Variants in GPAT4 observed in about 807,000 individuals in gnomAD.
The protein encoded by GPAT4 is glycerol-3-phosphate acyltransferase 4, also known as 1-AGP acyltransferase 6.
Under a neutral mutation model 58.0 loss-of-function variants are expected in GPAT4, and 17 were observed. The ratio of observed to expected loss-of-function variants is 0.29; its 90% CI spans 0.20 to 0.44. The LOEUF is 0.44. Ranked by LOEUF, GPAT4 falls within the 20% of genes least tolerant of loss-of-function variation. GPAT4 has a pLI of 1.00. For missense variants in GPAT4, 377 were observed against 574.5 expected (o/e 0.66, Z 3.51); for synonymous variants, 204 against 210.1 (o/e 0.97, Z 0.25).
At chr8:41,612,818 A>G (rs1399483672) in intron 7 of GPAT4, 27 bp from the exon 8 acceptor site, 3 of 1,598,506 alleles carry the variant, frequency 1.9e-6, no homozygotes, top group Non-Finnish European at 2.6e-6. Flanking sequence ...TGGCTTCACT[A>G]CTAATGAGTC....
chr8:41,584,727 A>G (rs770787061), intron 1 of GPAT4: 1 of 152,210 alleles, frequency 6.6e-6, no homozygotes, highest in Non-Finnish European at 1.5e-5. Flanking sequence ...CATCATCAAA[A>G]TAGCCTCTTT....
intron 2 of GPAT4, among the ~76,000 whole-genome samples, chr8:41,607,146 A>G (rs1478599968): frequency 6.6e-6 from 1 of 152,108 alleles, no homozygotes; most frequent in Non-Finnish European, 1.5e-5. Flanking sequence ...CCTCCTGCCC[A>G]TAGTGCTGGG....
intron 2 of GPAT4, among the ~76,000 whole-genome samples, chr8:41,603,189 C>G (rs1032905719): frequency 6.6e-6 from 1 of 152,264 alleles, no homozygotes; most frequent in African/African-American, 2.4e-5. Context: ...TTGCCGTTCT[C>G]CCTCCTGTCA....
chr8:41,606,077 G>T (rs899584876), intron 2 of GPAT4, among the ~76,000 whole-genome samples: 9 of 152,202 alleles, frequency 5.9e-5, no homozygotes, highest in African/African-American at 2.2e-4. Flanking sequence ...TCCATCTGGT[G>T]CTTCCTGAGC....
rs777598580 is a variant in GPAT4 at position 41,621,049 on chromosome 8, C to T, written c.*48C>T. 7.1e-6 allele frequency: 11 copies of T among 1,548,806 alleles called. No homozygotes were observed. The highest frequency in any genetic ancestry group is 7.9e-6 in the Non-Finnish European group (9 of 1,146,422). On this transcript the variant is annotated 3_prime_UTR_variant, in exon 13 of 13. Coordinates refer to ENST00000396987, the MANE Select transcript of GPAT4 (RefSeq NM_178819.4). ...CCACCGTGCGGGGTGCCAACGGGCT[C>T]AGAGCTGGAGTTGCCGCCGCCGCCC...
chr8:41,609,543 G>A (rs1168204797), intron 3 of GPAT4, 58 bp downstream of exon 3: 4 of 1,603,946 alleles, frequency 2.5e-6, no homozygotes, highest in Non-Finnish European at 3.4e-6. Context: ...GTTCCCCAGT[G>A]CTTCTGGTGC....
At position 41,599,597 on chromosome 8, in the gene GPAT4, T is replaced by C. The variant is rs1803027330; in HGVS notation, c.165+293T>C. The stretch of plus-strand genomic sequence containing the variant: ...AAGCACTGCCAATCTCTGTCTCTTC[T>C]TGCATAACTGATGCCATAGCTCGAA... On this transcript the variant is annotated intron_variant, in intron 2 of 12. Coordinates refer to ENST00000396987, the MANE Select transcript of GPAT4 (RefSeq NM_178819.4). Among the ~76,000 whole-genome samples the C allele has an allele frequency of 2.6e-5, 4 of 152,222 alleles. No homozygotes were observed. In the South Asian group the frequency reaches 8.3e-4, roughly 32 times the overall value.
At chr8:41,605,503 A>G (rs1377930080) in intron 2 of GPAT4, among the ~76,000 whole-genome samples, 1 of 152,242 alleles carries the variant, frequency 6.6e-6, no homozygotes, top group African/African-American at 2.4e-5. Flanking sequence ...GAGGTGGGTT[A>G]CAATACTGAA....
chr8:41,616,345 G>A (rs1803593797), intron 10 of GPAT4, among the ~76,000 whole-genome samples: 1 of 152,188 alleles, frequency 6.6e-6, no homozygotes, highest in South Asian at 2.1e-4. Flanking sequence ...CACCCAGGCT[G>A]GAGTGCAGTG....
Position 41,622,316 on chromosome 8 carries a change from G to A in GPAT4, c.*1315G>A, listed in dbSNP as rs1375275712. On this transcript the variant is annotated 3_prime_UTR_variant, in exon 13 of 13. Coordinates refer to ENST00000396987, the MANE Select transcript of GPAT4 (RefSeq NM_178819.4). Reference sequence around the variant, plus strand: ...CAGGGGAGGGCTGCAGAGGGGCAGGGTGGGCAGGGCATGTGCTGCATGGCA... The same window carrying A: ...CAGGGGAGGGCTGCAGAGGGGCAGGATGGGCAGGGCATGTGCTGCATGGCA... The A allele has an allele frequency of 6.5e-6, 1 of 153,790 alleles. No individual in the cohort carries two copies. Among genetic ancestry groups the A allele is most frequent in the Non-Finnish European group, 1.4e-5 (1 of 69,104 alleles). 9.5% of individuals were successfully genotyped at this position (153,790 alleles called of 1,614,324 possible).
Position 41,578,283 on chromosome 8 carries a change from G to A in GPAT4, c.-849+5G>A. 1 of 151,782 alleles carries A rather than the reference G, an allele frequency of 6.6e-6. No homozygotes were observed. Among genetic ancestry groups the A allele is most frequent in the Non-Finnish European group, 1.5e-5 (1 of 67,930 alleles). The allele number at this position is 151,782 out of a possible 1,614,324, so 9.4% of individuals were successfully genotyped here. ...AGCTGCCTAGCCTCGCGGTCGGTGA[G>A]TAGGAGGGAGCTGGCCCCTTACCTC... is the stretch of plus-strand genomic sequence containing the variant. On this transcript the variant is annotated splice_donor_5th_base_variant and intron_variant, in intron 1 of 12. Coordinates refer to ENST00000396987, the MANE Select transcript of GPAT4 (RefSeq NM_178819.4).
chr8:41,608,074 A>G (rs13439277), intron 2 of GPAT4, among the ~76,000 whole-genome samples: 3,473 of 152,314 alleles, frequency 0.023, 121 homozygotes, highest in African/African-American at 0.076. Context: ...AAAGACATCA[A>G]TGGCCAAATA....
chr8:41,611,866 T>C (rs1803454659), intron 5 of GPAT4, 37 bp from the exon 6 acceptor site: 1 of 1,600,276 alleles, frequency 6.2e-7, no homozygotes, highest in African/African-American at 1.3e-5. Context: ...TTCCTGTATG[T>C]AAAATAAAAC....
chr8:41,585,208 G>A (rs1802620730), intron 1 of GPAT4, among the ~76,000 whole-genome samples: 1 of 152,206 alleles, frequency 6.6e-6, no homozygotes, highest in Admixed American at 6.5e-5. Context: ...TTACATTACA[G>A]TTGGGGCATT....
At chr8:41,619,797 TG>T (rs1803696440) in intron 12 of GPAT4, among the ~76,000 whole-genome samples, 1 of 152,324 alleles carries the variant, frequency 6.6e-6, no homozygotes, top group East Asian at 1.9e-4. Context: ...TAAACCCAAC[TG>T]TAGAGTCTCA....
At chr8:41,619,514 C>T (rs1282762702) in intron 12 of GPAT4, among the ~76,000 whole-genome samples, 1 of 152,154 alleles carries the variant, frequency 6.6e-6, no homozygotes, top group Non-Finnish European at 1.5e-5. Flanking sequence ...AGTCTATAAA[C>T]CAATGAGCAT....
At chr8:41,608,133 T>C (rs990843667) in intron 2 of GPAT4, among the ~76,000 whole-genome samples, 2 of 152,262 alleles carry the variant, frequency 1.3e-5, no homozygotes, top group Admixed American at 6.5e-5. Context: ...CTTTGAACTT[T>C]CTTTGCGTGG....
At chr8:41,605,746 A>G (rs1041548157) in intron 2 of GPAT4, among the ~76,000 whole-genome samples, 1 of 152,012 alleles carries the variant, frequency 6.6e-6, no homozygotes, top group Admixed American at 6.6e-5. Context: ...CTATTTTTGT[A>G]GTGTTAGTAG....
At chr8:41,620,845 G>A (rs1289643528) in intron 12 of GPAT4, 48 bp from the exon 13 acceptor site, 1 of 1,549,024 alleles carries the variant, frequency 6.5e-7, no homozygotes, top group East Asian at 2.4e-5. Flanking sequence ...TGTGAGCGTG[G>A]CTGGGAGCCC....
Sources: allele counts gnomAD v4.1 joint callset (sites outside exome capture counted in the v4.1 genomes callset), GRCh38; gene constraint gnomAD v4.1.1; transcripts MANE v1.5; gene names NCBI Gene and HGNC (gene_info 2026-07-23, HGNC 2026-07-21).